Variants in C6 observed in about 807,000 individuals in gnomAD.
The protein encoded by C6 is complement C6.
In C6, 101 loss-of-function variants were observed where a neutral mutation model predicts 112.9. That is an observed-to-expected ratio of 0.89 (90% CI 0.76 to 1.06). The LOEUF is 1.06. Among genes scored for constraint, C6 ranks in the 50% least tolerant of loss-of-function variants. The pLI, the probability that C6 is intolerant of heterozygous loss-of-function variation, is 0.00. For missense variants in C6, 1,202 were observed against 1,104.6 expected (o/e 1.09, Z -1.25); for synonymous variants, 431 against 384.1 (o/e 1.12, Z -1.43).
At chr5:41,177,830 T>C (rs1418404826) in intron 7 of C6, among the ~76,000 whole-genome samples, 5 of 152,208 alleles carry the variant, frequency 3.3e-5, no homozygotes, top group Non-Finnish European at 7.3e-5. Context: ...GCAGACAAAG[T>C]TCGTGCCTTT....
chr5:41,207,236 A>G (rs1455877436), intron 1 of C6, among the ~76,000 whole-genome samples: 1 of 152,224 alleles, frequency 6.6e-6, no homozygotes, highest in Non-Finnish European at 1.5e-5. Flanking sequence ...AGCACTAAAC[A>G]TAGAAAGGAA....
At chr5:41,228,600 T>C (rs1448685503) in intron 1 of C6, among the ~76,000 whole-genome samples, 2 of 152,222 alleles carry the variant, frequency 1.3e-5, no homozygotes, top group South Asian at 2.1e-4. Context: ...TTGTCACATA[T>C]GGTCTTTACT....
intron 1 of C6, among the ~76,000 whole-genome samples, chr5:41,259,299 C>T (rs1024677474): frequency 2.6e-5 from 4 of 151,980 alleles, no homozygotes; most frequent in Admixed American, 2.6e-4. Context: ...AAATAGCTGG[C>T]AAAGTGTGAA....
Position 41,153,956 on chromosome 5 carries a change from A to G in C6, c.2144T>C (p.Ile715Thr), listed in dbSNP as rs749171617. 8 of 1,613,812 alleles carry G rather than the reference A, an allele frequency of 5.0e-6. No individual in the cohort carries two copies. The highest frequency in any genetic ancestry group is 5.9e-6 in the Non-Finnish European group (7 of 1,179,800). The stretch of plus-strand genomic sequence containing the variant: ...TCTATACAATCTCTGAAATGGTGTA[A>G]TTGTCAGGACTTCCTGCACAACTGG... Reference protein sequence around the residue: ...IKPVVQEVLTITPFQRLYRIG... With the variant: ...IKPVVQEVLTTTPFQRLYRIG... The change falls in exon 15 of 18, where the codon ATT becomes ACT. Residue 715 changes from isoleucine (I) to threonine (T), a missense_variant. By Grantham distance (89) the Ile-to-Thr change is moderately conservative (BLOSUM62 -1). Transcript: ENST00000337836.
Position 41,232,345 on chromosome 5 carries a change from A to G in C6, c.-21+28849T>C, listed in dbSNP as rs113850513. ...AAGCTCTGATCTGCTGCTCTGTGCT[A>G]AATCTTTTGGCCTACTTCAATTATC... is the stretch of plus-strand genomic sequence containing the variant. On this transcript the variant is annotated intron_variant, in intron 1 of 17. Coordinates refer to the C6 transcript ENST00000263413. Among the ~76,000 whole-genome samples, 764 of 152,242 alleles carry G rather than the reference A, an allele frequency of 5.0e-3. 5 individuals are homozygous for G. The highest frequency in any genetic ancestry group is 6.2e-3 in the Non-Finnish European group (422 of 68,000).
At position 41,149,874 on chromosome 5, in the gene C6, A is replaced by G. The variant is rs192299726; in HGVS notation, c.2381+61T>C. ...TTCAAAAAGCTCAGCTCTTCCATCA[A>G]ATTGGTTACACTAGACTGGTTTTCC... On this transcript the variant is annotated intron_variant, in intron 16 of 17. Coordinates refer to ENST00000337836, the MANE Select transcript of C6 (RefSeq NM_000065.5). The G allele has an allele frequency of 2.7e-6, 3 of 1,095,838 alleles. No individual in the cohort carries two copies. The Middle Eastern group carries it at 6.0e-4, about 219-fold the overall frequency. The allele number at this position is 1,095,838 out of a possible 1,614,324, so 67.9% of individuals were successfully genotyped here.
intron 8 of C6, among the ~76,000 whole-genome samples, chr5:41,173,618 A>C (rs1381089605): frequency 7.2e-5 from 11 of 152,170 alleles, no homozygotes; most frequent in African/African-American, 2.7e-4. Context: ...AAAGTAGGTT[A>C]TCAAATACTA....
At position 41,213,462 on chromosome 5, in the gene C6, G is replaced by A; in HGVS notation, c.-107C>T. 1 of 985,320 alleles carries A rather than the reference G, an allele frequency of 1.0e-6. No individual in the cohort carries two copies. The highest frequency in any genetic ancestry group is 1.2e-6 in the Non-Finnish European group (1 of 829,872). The allele number at this position is 985,320 out of a possible 1,614,324, so 61.0% of individuals were successfully genotyped here. A position where few individuals can be genotyped will look rare whatever the true frequency, so the allele number is the denominator to read the frequency against. On this transcript the variant is annotated 5_prime_UTR_variant, in exon 1 of 18. Transcript: ENST00000337836. ...TATGCAGAATGAAGAGGGTATATAT[G>A]TTAATCCAAACAAAGCTTCTTTTCT...
chr5:41,163,448 G>T (rs1470721561), intron 9 of C6, among the ~76,000 whole-genome samples: 1 of 151,992 alleles, frequency 6.6e-6, no homozygotes, highest in Admixed American at 6.6e-5. Flanking sequence ...AAGTAGATGG[G>T]ATTACAGGCA....
chr5:41,188,412 A>G (rs927101761), intron 5 of C6, among the ~76,000 whole-genome samples: 1 of 152,146 alleles, frequency 6.6e-6, no homozygotes, highest in Admixed American at 6.5e-5. Flanking sequence ...TAGTACTGGC[A>G]TGAGGATAGA....
chr5:41,232,621 T>C (rs1561194273), intron 1 of C6, among the ~76,000 whole-genome samples: 1 of 152,090 alleles, frequency 6.6e-6, no homozygotes, highest in Non-Finnish European at 1.5e-5. Context: ...TAAAGTTATG[T>C]GTGTTTTCTT....
intron 1 of C6, among the ~76,000 whole-genome samples, chr5:41,239,474 T>C (rs377293076): frequency 1.3e-5 from 2 of 152,134 alleles, no homozygotes; most frequent in African/African-American, 4.8e-5. Context: ...TATTCTGAAA[T>C]ACACAATACA....
At chr5:41,143,143 G>A in intron 17 of C6, 137 bp from the exon 18 acceptor site, 2 of 730,432 alleles carry the variant, frequency 2.7e-6, no homozygotes, top group South Asian at 1.6e-5. Flanking sequence ...TAATGAATGA[G>A]AAAGCCAAAA....
Position 41,173,992 on chromosome 5 carries a change from G to T in C6, c.1169-1645C>A, listed in dbSNP as rs572945675. 4.6e-5 allele frequency among the ~76,000 whole-genome samples: 7 copies of T among 152,290 alleles called. No individual in the cohort carries two copies. The South Asian group carries it at 1.4e-3, about 32-fold the overall frequency. On this transcript the variant is annotated intron_variant, in intron 8 of 17. Transcript: ENST00000337836. ...ATACTACGAATGTAATGCATTTATA[G>T]TGCATGACTCCTTTTCTTAACCATT...
intron 15 of C6, among the ~76,000 whole-genome samples, chr5:41,150,368 T>C (rs1437715814): frequency 6.6e-6 from 1 of 152,188 alleles, no homozygotes; most frequent in African/African-American, 2.4e-5. Flanking sequence ...AGATTGAGCA[T>C]AAACTGACCC....
intron 10 of C6, 51 bp downstream of exon 10, chr5:41,161,642 C>G: frequency 7.0e-7 from 1 of 1,428,828 alleles, no homozygotes; most frequent in Non-Finnish European, 9.9e-7. Context: ...GCAATTTGGG[C>G]TGCTAGAGAA....
intron 1 of C6, among the ~76,000 whole-genome samples, chr5:41,235,019 G>A (rs760986153): frequency 6.7e-6 from 1 of 149,922 alleles, no homozygotes; most frequent in Non-Finnish European, 1.5e-5. Context: ...CCAAAAATGA[G>A]GATAATATTT....
chr5:41,153,636 T>C (rs1037589839), intron 15 of C6, among the ~76,000 whole-genome samples, 174 bp downstream of exon 15: 3 of 152,214 alleles, frequency 2.0e-5, no homozygotes, highest in Non-Finnish European at 4.4e-5. Context: ...AGGATGGCAA[T>C]GAGCTTAGGG....
chr5:41,226,995 A>G (rs1739555709), intron 1 of C6, among the ~76,000 whole-genome samples: 1 of 152,150 alleles, frequency 6.6e-6, no homozygotes, highest in Admixed American at 6.6e-5. Flanking sequence ...GCTGGATCAT[A>G]TGGATTTCTA....
Sources: allele counts gnomAD v4.1 joint callset (sites outside exome capture counted in the v4.1 genomes callset), GRCh38; gene constraint gnomAD v4.1.1; transcripts MANE v1.5; gene names NCBI Gene and HGNC (gene_info 2026-07-23, HGNC 2026-07-21).